Variants in NRXN3 observed in about 807,000 individuals in gnomAD.
NRXN3 encodes the protein neurexin 3.
NRXN3 carries 32 observed loss-of-function variants against 137.6 expected under a neutral mutation model. The observed-to-expected ratio is 0.23, with a 90% CI of 0.18 to 0.31. NRXN3 has a LOEUF of 0.31. NRXN3 is among the 10% of genes least tolerant of loss of function. The pLI is 1.00. For synonymous variants in NRXN3, 798 were observed against 784.5 expected (o/e 1.02, Z -0.29); for missense variants, 1,574 against 2,062.5 (o/e 0.76, Z 4.59).
chr14:78,853,496 C>T (rs1367516070), intron 10 of NRXN3, among the ~76,000 whole-genome samples: 2 of 151,920 alleles, frequency 1.3e-5, no homozygotes, highest in Non-Finnish European at 2.9e-5. Flanking sequence ...AAGCCTAGTA[C>T]CCATTAGTTA....
chr14:79,802,164 C>T (rs2099184212), intron 19 of NRXN3, among the ~76,000 whole-genome samples: 1 of 152,070 alleles, frequency 6.6e-6, no homozygotes, highest in Admixed American at 6.6e-5. Flanking sequence ...TGAAGTTATG[C>T]ATTGTTTTTT....
intron 2 of NRXN3, among the ~76,000 whole-genome samples, chr14:78,251,438 C>A (rs2068613354): frequency 6.6e-6 from 1 of 152,302 alleles, no homozygotes. Flanking sequence ...TTTGCAATTT[C>A]TTTTTCTTAA....
At chr14:78,583,110 C>T (rs979246107) in intron 4 of NRXN3, among the ~76,000 whole-genome samples, 7 of 152,114 alleles carry the variant, frequency 4.6e-5, no homozygotes, top group African/African-American at 9.7e-5. Context: ...CCCTTCCTGA[C>T]GCCTCTGGGG....
At chr14:79,574,204 A>G (rs1169554915) in intron 16 of NRXN3, among the ~76,000 whole-genome samples, 1 of 151,138 alleles carries the variant, frequency 6.6e-6, no homozygotes, top group African/African-American at 2.5e-5. Flanking sequence ...TTCTTCCTCC[A>G]AATATGCGTG....
At chr14:78,178,776 A>G (rs1294749459) in intron 1 of NRXN3, among the ~76,000 whole-genome samples, 2 of 152,182 alleles carry the variant, frequency 1.3e-5, no homozygotes, top group African/African-American at 4.8e-5. Context: ...TTAGGATTAC[A>G]CAGTGAGATC....
At chr14:79,717,290 C>G (rs2098827040) in intron 19 of NRXN3, among the ~76,000 whole-genome samples, 2 of 152,184 alleles carry the variant, frequency 1.3e-5, no homozygotes, top group Non-Finnish European at 2.9e-5. Flanking sequence ...CCAAAAGAAC[C>G]TTTTCTCTGC....
At chr14:79,524,073 A>G (rs931964725) in intron 16 of NRXN3, among the ~76,000 whole-genome samples, 15 of 152,204 alleles carry the variant, frequency 9.9e-5, no homozygotes, top group Admixed American at 5.9e-4. Context: ...ATCCTTGACA[A>G]AACTATCTTG....
intron 16 of NRXN3, among the ~76,000 whole-genome samples, chr14:79,544,884 T>A (rs2097304751): frequency 6.6e-6 from 1 of 152,202 alleles, no homozygotes; most frequent in South Asian, 2.1e-4. Flanking sequence ...TCCAAGTGAT[T>A]TAATGCATGC....
At chr14:79,145,156 A>G (rs1166213680) in intron 15 of NRXN3, among the ~76,000 whole-genome samples, 1 of 152,168 alleles carries the variant, frequency 6.6e-6, no homozygotes, top group Non-Finnish European at 1.5e-5. Flanking sequence ...CACGCTTAGT[A>G]CAGTCATTGA....
intron 4 of NRXN3, among the ~76,000 whole-genome samples, chr14:78,402,995 T>C (rs2092215916): frequency 6.6e-6 from 1 of 152,194 alleles, no homozygotes; most frequent in Non-Finnish European, 1.5e-5. Flanking sequence ...ACTCCATATA[T>C]AGTATTCTGC....
chr14:79,300,294 A>G (rs894507733), intron 15 of NRXN3, among the ~76,000 whole-genome samples: 1 of 152,086 alleles, frequency 6.6e-6, no homozygotes, highest in South Asian at 2.1e-4. Context: ...ATCCTCATAC[A>G]TGAAGTATGG....
At chr14:78,861,937 G>C (rs1241300220) in intron 10 of NRXN3, among the ~76,000 whole-genome samples, 1 of 152,042 alleles carries the variant, frequency 6.6e-6, no homozygotes, top group Non-Finnish European at 1.5e-5. Flanking sequence ...TATTTAGTTA[G>C]CAATGTTTTT....
At chr14:78,812,414 G>A (rs140545055) in intron 10 of NRXN3, among the ~76,000 whole-genome samples, 56 of 152,266 alleles carry the variant, frequency 3.7e-4, no homozygotes, top group African/African-American at 1.3e-3. Flanking sequence ...GGAAAGCCTC[G>A]TATCCGAAGC....
At chr14:79,571,109 AT>A (rs1407601595) in intron 16 of NRXN3, among the ~76,000 whole-genome samples, 1 of 152,166 alleles carries the variant, frequency 6.6e-6, no homozygotes, top group Non-Finnish European at 1.5e-5. Context: ...CATTGATAAA[AT>A]GCTATTCATT....
At chr14:78,692,153 A>G (rs1195410312) in intron 6 of NRXN3, among the ~76,000 whole-genome samples, 1 of 152,334 alleles carries the variant, frequency 6.6e-6, no homozygotes, top group African/African-American at 2.4e-5. Context: ...GAAACACCTA[A>G]TACTACCTGC....
intron 15 of NRXN3, among the ~76,000 whole-genome samples, chr14:79,305,890 T>TG (rs2085964532): frequency 6.6e-6 from 1 of 151,916 alleles, no homozygotes; most frequent in Non-Finnish European, 1.5e-5. Flanking sequence ...ACAAATAAAG[T>TG]GGGGTCGGAG....
chr14:78,238,870 G>A (rs1209548468), intron 1 of NRXN3, among the ~76,000 whole-genome samples: 1 of 152,226 alleles, frequency 6.6e-6, no homozygotes, highest in Non-Finnish European at 1.5e-5. Flanking sequence ...TGGAAGGGGT[G>A]TGTGGCCCCG....
At chr14:78,812,198 A>G (rs2098916078) in intron 10 of NRXN3, among the ~76,000 whole-genome samples, 1 of 152,160 alleles carries the variant, frequency 6.6e-6, no homozygotes, top group South Asian at 2.1e-4. Flanking sequence ...GCTCCTACCC[A>G]TCGTCCTAGG....
chr14:78,518,785 G>A (rs528085443), intron 4 of NRXN3, among the ~76,000 whole-genome samples: 2 of 152,190 alleles, frequency 1.3e-5, no homozygotes, highest in South Asian at 2.1e-4. Flanking sequence ...TGAGGCAGGT[G>A]GGGGTAATCC....
Sources: allele counts gnomAD v4.1 joint callset (sites outside exome capture counted in the v4.1 genomes callset), GRCh38; gene constraint gnomAD v4.1.1; transcripts MANE v1.5; gene names NCBI Gene and HGNC (gene_info 2026-07-23, HGNC 2026-07-21).